DYM: variants seen among roughly 807,000 people sequenced by gnomAD.
The protein encoded by DYM is dyggve-Melchior-Clausen syndrome protein.
A neutral mutation model predicts 93.1 loss-of-function variants in DYM; 78 were observed. The ratio of observed to expected loss-of-function variants is 0.84; its 90% CI spans 0.70 to 1.01. The LOEUF is 1.01. Ranked by LOEUF, DYM falls within the 50% of genes least tolerant of loss-of-function variation. The pLI is 0.00. For missense variants in DYM, 789 were observed against 845.0 expected (o/e 0.93, Z 0.82); for synonymous variants, 321 against 319.7 (o/e 1.00, Z -0.04).
chr18:49,333,876 T>G, intron 6 of DYM, 23 bp from the exon 7 acceptor site: 7 of 1,596,044 alleles, frequency 4.4e-6, no homozygotes, highest in Non-Finnish European at 6.0e-6. Flanking sequence ...AAAAACAGAG[T>G]AACAGTCACT....
intron 14 of DYM, among the ~76,000 whole-genome samples, chr18:49,197,756 C>T (rs2091604647): frequency 6.6e-6 from 1 of 152,120 alleles, no homozygotes; most frequent in Non-Finnish European, 1.5e-5. Context: ...GGAGAATATT[C>T]CATGCTCATG....
intron 1 of DYM, among the ~76,000 whole-genome samples, chr18:49,450,981 G>C (rs151246773): frequency 9.9e-5 from 15 of 152,268 alleles, no homozygotes; most frequent in Admixed American, 9.2e-4. Flanking sequence ...GAGAAAGAAC[G>C]TACAGGACTC....
chr18:49,382,011 T>C (rs2068085793), intron 3 of DYM, among the ~76,000 whole-genome samples: 1 of 152,050 alleles, frequency 6.6e-6, no homozygotes, highest in African/African-American at 2.4e-5. Context: ...TGAAACAAAC[T>C]AAGCTGAGGG....
chr18:49,457,178 C>G (rs1006013365), intron 1 of DYM, among the ~76,000 whole-genome samples: 2 of 152,184 alleles, frequency 1.3e-5, no homozygotes, highest in African/African-American at 4.8e-5. Context: ...TTCATTCTGC[C>G]TGAAGATATT....
intron 17 of DYM, among the ~76,000 whole-genome samples, chr18:49,079,715 T>A (rs973415000): frequency 1.3e-5 from 2 of 151,562 alleles, no homozygotes; most frequent in Non-Finnish European, 2.9e-5. Flanking sequence ...GAGCACAGGG[T>A]TGGGGGTAAG....
chr18:49,233,363 A>C (rs1237870454), intron 13 of DYM, among the ~76,000 whole-genome samples: 2 of 152,046 alleles, frequency 1.3e-5, no homozygotes, highest in Non-Finnish European at 2.9e-5. Flanking sequence ...CATCAAAAAA[A>C]AAAAAAAGAA....
intron 1 of DYM, among the ~76,000 whole-genome samples, chr18:49,451,265 G>C (rs1248501227): frequency 1.3e-5 from 2 of 152,150 alleles, no homozygotes; most frequent in Non-Finnish European, 2.9e-5. Context: ...ATAGTTGTTT[G>C]CATCAGTGAA....
chr18:49,085,606 C>CTTTTTTTTTTTTTTTTTT (rs11437833), intron 17 of DYM, among the ~76,000 whole-genome samples: 1 of 102,156 alleles, frequency 9.8e-6, no homozygotes, highest in Non-Finnish European at 2.0e-5. Flanking sequence ...ACAACTGGTC[C>CTTTTTTTTTTTTTTTTTT]TTTTTTTTTT....
intron 8 of DYM, among the ~76,000 whole-genome samples, chr18:49,303,866 GA>G (rs1160157458): frequency 6.6e-6 from 1 of 152,118 alleles, no homozygotes; most frequent in Non-Finnish European, 1.5e-5. Context: ...TACATGGGGG[GA>G]AAATTACTAG....
intron 8 of DYM, among the ~76,000 whole-genome samples, chr18:49,305,403 G>T (rs892883588): frequency 6.6e-6 from 1 of 152,118 alleles, no homozygotes; most frequent in African/African-American, 2.4e-5. Flanking sequence ...AGTCCCTGGG[G>T]AAACCTATTG....
chr18:49,200,972 C>A (rs2091940529), intron 14 of DYM, among the ~76,000 whole-genome samples: 1 of 152,082 alleles, frequency 6.6e-6, no homozygotes, highest in Admixed American at 6.6e-5. Flanking sequence ...CTTTGTATTG[C>A]ATTGTATGGC....
chr18:49,126,625 T>C (rs1479207464), intron 15 of DYM: 1 of 150,602 alleles, frequency 6.6e-6, no homozygotes, highest in Non-Finnish European at 1.5e-5. Flanking sequence ...ATGATTTGGG[T>C]GTCAGAATTT....
At chr18:49,239,151 C>T (rs1169750608) in intron 13 of DYM, among the ~76,000 whole-genome samples, 4 of 152,042 alleles carry the variant, frequency 2.6e-5, no homozygotes, top group Non-Finnish European at 5.9e-5. Flanking sequence ...GTGAAGACAC[C>T]TGTACTAGAT....
intron 1 of DYM, among the ~76,000 whole-genome samples, chr18:49,455,877 AG>A (rs1402242645): frequency 6.6e-6 from 1 of 151,494 alleles, no homozygotes; most frequent in East Asian, 1.9e-4. Flanking sequence ...TGAACCTGGG[AG>A]GCAGAGGTTG....
chr18:49,104,735 C>G (rs2080591065), intron 16 of DYM, among the ~76,000 whole-genome samples: 1 of 152,184 alleles, frequency 6.6e-6, no homozygotes. Context: ...TATGTTGAAC[C>G]AGCCTTGCAT....
chr18:49,122,307 G>A (rs2082449269), intron 15 of DYM, among the ~76,000 whole-genome samples: 1 of 152,142 alleles, frequency 6.6e-6, no homozygotes, highest in Non-Finnish European at 1.5e-5. Flanking sequence ...AATGTAGGAA[G>A]GCCTTCTACC....
intron 14 of DYM, among the ~76,000 whole-genome samples, chr18:49,174,956 C>T (rs575296180): frequency 2.6e-5 from 4 of 152,034 alleles, no homozygotes; most frequent in Admixed American, 6.6e-5. Context: ...ACATCAAAGC[C>T]GACGAAGACA....
chr18:49,308,785 G>T (rs1181732028), intron 8 of DYM, among the ~76,000 whole-genome samples: 1 of 152,116 alleles, frequency 6.6e-6, no homozygotes, highest in African/African-American at 2.4e-5. Flanking sequence ...TCTGGCAGAT[G>T]CAACTATGGG....
chr18:49,149,808 G>A (rs1422435360), intron 15 of DYM, among the ~76,000 whole-genome samples: 2 of 140,194 alleles, frequency 1.4e-5, no homozygotes, highest in East Asian at 4.7e-4. Context: ...CTGGGTTCAA[G>A]CGATTCTCCT....
Sources: allele counts gnomAD v4.1 joint callset (sites outside exome capture counted in the v4.1 genomes callset), GRCh38; gene constraint gnomAD v4.1.1; transcripts MANE v1.5; gene names NCBI Gene and HGNC (gene_info 2026-07-23, HGNC 2026-07-21).